Variants in FANCL observed in about 807,000 individuals in gnomAD.
FANCL encodes the protein E3 ubiquitin-protein ligase FANCL.
In FANCL, 69 loss-of-function variants were observed where a neutral mutation model predicts 59.4. That is an observed-to-expected ratio of 1.16 (90% CI 0.96 to 1.42). The LOEUF (loss-of-function observed/expected upper bound fraction) is 1.42. Among genes scored for constraint, FANCL ranks in the 40% most tolerant of loss-of-function variants. The pLI, the probability that FANCL is intolerant of heterozygous loss-of-function variation, is 0.00. For missense variants in FANCL, 519 were observed against 447.2 expected (o/e 1.16, Z -1.45); for synonymous variants, 180 against 147.1 (o/e 1.22, Z -1.62).
intron 1 of FANCL, among the ~76,000 whole-genome samples, chr2:58,238,536 A>T (rs1694230608): frequency 6.6e-6 from 1 of 152,232 alleles, no homozygotes; most frequent in African/African-American, 2.4e-5. Context: ...TCAGAAACCT[A>T]GATGAAACTA....
chr2:58,182,614 A>C (rs1212327591), intron 7 of FANCL, among the ~76,000 whole-genome samples: 1 of 151,852 alleles, frequency 6.6e-6, no homozygotes, highest in Non-Finnish European at 1.5e-5. Context: ...TTTATCTTCA[A>C]CTTAAAATAG....
intron 5 of FANCL, among the ~76,000 whole-genome samples, chr2:58,207,453 G>T (rs1011902157): frequency 6.6e-6 from 1 of 152,164 alleles, no homozygotes; most frequent in Admixed American, 6.6e-5. Flanking sequence ...AGTCACAGCG[G>T]ATGGCTGAGA....
At chr2:58,182,661 A>C (rs1394540950) in intron 7 of FANCL, among the ~76,000 whole-genome samples, 5 of 151,802 alleles carry the variant, frequency 3.3e-5, no homozygotes, top group African/African-American at 1.2e-4. Context: ...TATATGAGTC[A>C]AGCACTGAAG....
At chr2:58,178,399 C>A (rs996224723) in intron 7 of FANCL, among the ~76,000 whole-genome samples, 8 of 152,096 alleles carry the variant, frequency 5.3e-5, no homozygotes, top group African/African-American at 1.9e-4. Flanking sequence ...AAGTTGGTTT[C>A]AACCCTAGGA....
intron 5 of FANCL, among the ~76,000 whole-genome samples, chr2:58,208,923 G>C (rs1176216685): frequency 2.0e-5 from 3 of 152,076 alleles, no homozygotes; most frequent in African/African-American, 7.2e-5. Flanking sequence ...CCTCTGTTTA[G>C]CCCTAATATG....
chr2:58,241,009 C>G (rs555330865), intron 1 of FANCL, among the ~76,000 whole-genome samples: 1 of 152,354 alleles, frequency 6.6e-6, no homozygotes, highest in South Asian at 2.1e-4. Flanking sequence ...ACGCCGCGCG[C>G]CTCCTCGCTC....
chr2:58,189,193 ATG>A (rs1688691549), intron 7 of FANCL, among the ~76,000 whole-genome samples: 1 of 152,150 alleles, frequency 6.6e-6, no homozygotes, highest in African/African-American at 2.4e-5. Context: ...TGACAATTTA[ATG>A]TGTGTAGATA....
At chr2:58,214,663 AATTTATTT>A (rs926717369) in intron 5 of FANCL, among the ~76,000 whole-genome samples, 1 of 151,300 alleles carries the variant, frequency 6.6e-6, no homozygotes, top group Admixed American at 6.6e-5. Context: ...CACCACACCT[AATTTATTT>A]ATTTATTTAT....
chr2:58,175,022 T>C (rs892608919), intron 7 of FANCL, among the ~76,000 whole-genome samples: 13 of 151,922 alleles, frequency 8.6e-5, no homozygotes, highest in Non-Finnish European at 1.5e-5. Flanking sequence ...GCAAATAAAC[T>C]AGAAAATCTA....
At chr2:58,207,416 T>A (rs560457649) in intron 5 of FANCL, among the ~76,000 whole-genome samples, 1 of 152,160 alleles carries the variant, frequency 6.6e-6, no homozygotes, top group Non-Finnish European at 1.5e-5. Flanking sequence ...TAAATGTCAA[T>A]AGCCACACAT....
At chr2:58,207,490 G>T (rs1690706588) in intron 5 of FANCL, among the ~76,000 whole-genome samples, 2 of 152,166 alleles carry the variant, frequency 1.3e-5, no homozygotes, top group Admixed American at 1.3e-4. Context: ...ATTCTTGAAT[G>T]TCCTTGTGAA....
chr2:58,185,786 T>C (rs1302322277), intron 7 of FANCL, among the ~76,000 whole-genome samples: 1 of 152,156 alleles, frequency 6.6e-6, no homozygotes, highest in Non-Finnish European at 1.5e-5. Flanking sequence ...AGTTAAGGAA[T>C]CAGGAGATAA....
intron 4 of FANCL, among the ~76,000 whole-genome samples, chr2:58,224,980 A>G (rs979110778): frequency 1.3e-5 from 2 of 151,912 alleles, no homozygotes; most frequent in Admixed American, 1.3e-4. Flanking sequence ...TCCAAATACT[A>G]TTTCCCACAA....
chr2:58,208,610 AT>A (rs1690818641), intron 5 of FANCL, among the ~76,000 whole-genome samples: 1 of 152,202 alleles, frequency 6.6e-6, no homozygotes, highest in South Asian at 2.1e-4. Flanking sequence ...TTTAAGTAGT[AT>A]TAACATCAAC....
intron 7 of FANCL, among the ~76,000 whole-genome samples, chr2:58,197,956 A>T (rs1316566638): frequency 3.3e-5 from 5 of 152,102 alleles, no homozygotes; most frequent in Non-Finnish European, 5.9e-5. Context: ...ATTTAAATTT[A>T]AAGGAAAATG....
rs1685876395 is a variant in FANCL at position 58,165,782 on chromosome 2, G to A, written c.633C>T (p.Thr211=). Residue 211 remains threonine, a synonymous_variant, in exon 8 of 14, where the codon ACC becomes ACT. Coordinates refer to ENST00000233741, the MANE Select transcript of FANCL (RefSeq NM_018062.4). The part of the protein sequence containing the change: ...WDVMDEIDEK[T]WVLEPEKPPR... ...GAGGTTTTTCTGGCTCAAGTACCCA[G>A]GTCTTCTCATCGATTTCATCCATAA... is the stretch of plus-strand genomic sequence containing the variant. The A allele has an allele frequency of 6.2e-7, 1 of 1,613,842 alleles. No homozygotes were observed. Among genetic ancestry groups the A allele is most frequent in the Non-Finnish European group, 8.5e-7 (1 of 1,179,964 alleles).
chr2:58,226,824 A>G, intron 3 of FANCL, 40 bp from the exon 4 acceptor site: 1 of 1,545,206 alleles, frequency 6.5e-7, no homozygotes, highest in South Asian at 1.1e-5. Context: ...TTTGCACAAT[A>G]AATATTCTAT....
intron 7 of FANCL, among the ~76,000 whole-genome samples, chr2:58,189,265 A>G (rs548293292): frequency 9.8e-5 from 15 of 152,330 alleles, no homozygotes; most frequent in African/African-American, 3.4e-4. Context: ...TATGTCAATT[A>G]TATCTCAATA....
intron 5 of FANCL, among the ~76,000 whole-genome samples, chr2:58,210,816 A>G (rs1691066982): frequency 6.6e-6 from 1 of 152,242 alleles, no homozygotes; most frequent in Non-Finnish European, 1.5e-5. Context: ...TAAAGCTCCA[A>G]AATGATCTCC....
Sources: allele counts gnomAD v4.1 joint callset (sites outside exome capture counted in the v4.1 genomes callset), GRCh38; gene constraint gnomAD v4.1.1; transcripts MANE v1.5; gene names NCBI Gene and HGNC (gene_info 2026-07-23, HGNC 2026-07-21).